Variants in BRD10 observed in about 807,000 individuals in gnomAD.
BRD10 encodes the protein uncharacterized bromodomain-containing protein 10.
At chr9:5,992,721 T>G in the BRD10 span, among the ~76,000 whole-genome samples, 1 of 151,442 alleles carries the variant, frequency 6.6e-6, no homozygotes, top group Admixed American at 6.6e-5. Context: ...TCCCCCTTTT[T>G]TTTTTTTTAA....
the BRD10 span, among the ~76,000 whole-genome samples, chr9:5,947,793 T>C: frequency 1.3e-5 from 2 of 152,238 alleles, no homozygotes; most frequent in African/African-American, 4.8e-5. Flanking sequence ...ATGATGTTTT[T>C]AAAAACAGAA....
At chr9:5,975,741 G>C in the BRD10 span, among the ~76,000 whole-genome samples, 1 of 152,144 alleles carries the variant, frequency 6.6e-6, no homozygotes, top group South Asian at 2.1e-4. Flanking sequence ...GAAGAGAAGA[G>C]ATGATTACCA....
At chr9:5,896,657 T>C in the BRD10 span, among the ~76,000 whole-genome samples, 118 of 152,312 alleles carry the variant, frequency 7.7e-4, no homozygotes, top group African/African-American at 2.7e-3. Context: ...TCGATTTTGA[T>C]CATGCTGTGA....
the BRD10 span, among the ~76,000 whole-genome samples, chr9:5,985,964 A>T: frequency 6.6e-6 from 1 of 152,162 alleles, no homozygotes; most frequent in Non-Finnish European, 1.5e-5. Context: ...TAGGCTTTTT[A>T]AAAATTATTA....
the BRD10 span, among the ~76,000 whole-genome samples, chr9:5,925,741 A>G: frequency 6.6e-6 from 1 of 152,232 alleles, no homozygotes; most frequent in Admixed American, 6.5e-5. Flanking sequence ...TTTCACAGAG[A>G]TCTTTTTCAT....
chr9:6,003,068 T>G, the BRD10 span, among the ~76,000 whole-genome samples: 1 of 151,530 alleles, frequency 6.6e-6, no homozygotes, highest in East Asian at 1.9e-4. Context: ...TTCAGCTATA[T>G]TTTAAGAAAG....
the BRD10 span, among the ~76,000 whole-genome samples, chr9:5,949,503 T>C: frequency 3.2e-4 from 49 of 152,330 alleles, no homozygotes; most frequent in African/African-American, 1.2e-3. Context: ...TTTTCAGAGG[T>C]ATGTTAAGGA....
At chr9:5,931,706 A>C in the BRD10 span, among the ~76,000 whole-genome samples, 373 of 152,320 alleles carry the variant, frequency 2.4e-3, 1 homozygote, top group African/African-American at 8.7e-3. Flanking sequence ...AAACAAACCC[A>C]AAAGTTTATT....
At chr9:5,957,993 GAATA>G in the BRD10 span, among the ~76,000 whole-genome samples, 2 of 152,052 alleles carry the variant, frequency 1.3e-5, no homozygotes, top group African/African-American at 4.8e-5. Flanking sequence ...ATATAAAATA[GAATA>G]AAATTCTCAA....
the BRD10 span, among the ~76,000 whole-genome samples, chr9:5,979,425 A>G: frequency 2.6e-5 from 4 of 152,096 alleles, no homozygotes; most frequent in African/African-American, 9.7e-5. Flanking sequence ...AGGTGGGAGG[A>G]TAACTTGAGC....
chr9:5,968,231 TG>T, the BRD10 span: 1 of 1,612,754 alleles, frequency 6.2e-7, no homozygotes, highest in African/African-American at 1.3e-5. Flanking sequence ...CTGTAGTGAC[TG>T]CTCTAATAGA....
the BRD10 span, chr9:6,008,004 G>T: frequency 7.9e-7 from 1 of 1,264,802 alleles, no homozygotes; most frequent in Non-Finnish European, 9.9e-7. Context: ...AGGGGGGAGA[G>T]AAGAGGAGAG....
At chr9:5,921,694 A>T in the BRD10 span, 1 of 1,613,884 alleles carries the variant, frequency 6.2e-7, no homozygotes, top group Non-Finnish European at 8.5e-7. Context: ...TAGTTGGAGT[A>T]TGAATAATAT....
At chr9:5,979,560 G>C in the BRD10 span, among the ~76,000 whole-genome samples, 1 of 151,400 alleles carries the variant, frequency 6.6e-6, no homozygotes, top group Admixed American at 6.6e-5. Context: ...AATCCAAATG[G>C]TTTTGCAAAA....
At chr9:5,965,962 T>C in the BRD10 span, among the ~76,000 whole-genome samples, 1 of 152,172 alleles carries the variant, frequency 6.6e-6, no homozygotes, top group Non-Finnish European at 1.5e-5. Context: ...GTTATATCAA[T>C]AAGGAATTCA....
chr9:5,920,434 C>T, the BRD10 span: 17 of 1,613,776 alleles, frequency 1.1e-5, no homozygotes, highest in African/African-American at 2.7e-5. Flanking sequence ...TGGATGGTGC[C>T]GAAGCCGTGT....
At chr9:5,947,395 G>C in the BRD10 span, among the ~76,000 whole-genome samples, 36 of 151,964 alleles carry the variant, frequency 2.4e-4, no homozygotes, top group African/African-American at 8.7e-4. Context: ...GAACATTCTG[G>C]TACCATGGAG....
chr9:5,974,744 T>C, the BRD10 span, among the ~76,000 whole-genome samples: 1 of 152,130 alleles, frequency 6.6e-6, no homozygotes, highest in African/African-American at 2.4e-5. Context: ...GAGTACTGAT[T>C]AGTACAGGGA....
chr9:5,952,436 A>G, the BRD10 span, among the ~76,000 whole-genome samples: 1 of 152,206 alleles, frequency 6.6e-6, no homozygotes, highest in African/African-American at 2.4e-5. Context: ...CCAAAGTTTC[A>G]CGAAACAATA....
Sources: gnomAD v4.1 joint callset for allele counts (sites outside exome capture counted in the v4.1 genomes callset) on GRCh38, gnomAD v4.1.1 for gene constraint, MANE v1.5 for transcripts, NCBI Gene and HGNC (gene_info 2026-07-23, HGNC 2026-07-21) for gene names.